PACSIN1: variants seen among roughly 807,000 people sequenced by gnomAD.
The protein encoded by PACSIN1 is protein kinase C and casein kinase substrate in neurons 1.
A neutral mutation model predicts 59.5 loss-of-function variants in PACSIN1; 15 were observed. The ratio of observed to expected loss-of-function variants is 0.25; its 90% confidence interval spans 0.17 to 0.39. The LOEUF (loss-of-function observed/expected upper bound fraction) is 0.39, where lower values mean the gene tolerates loss of function less well. Ranked by LOEUF, PACSIN1 falls within the 10% of genes least tolerant of loss-of-function variation. The pLI, the probability that PACSIN1 is intolerant of heterozygous loss-of-function variation, is 1.00. For missense variants in PACSIN1, 420 were observed against 580.2 expected, an observed-to-expected ratio of 0.72 and a Z score of 2.84; for synonymous variants, 210 against 220.6, an observed-to-expected ratio of 0.95 and a Z score of 0.42.
chr6:34,495,113 C>T (rs965089549), intron 1 of PACSIN1, among the ~76,000 whole-genome samples: 3 of 152,196 alleles, frequency 2.0e-5, no homozygotes, highest in African/African-American at 7.2e-5. Flanking sequence ...ACCCTCTCCT[C>T]CTCCAAAATG....
Position 34,532,322 on chromosome 6 carries a change from G to A in PACSIN1, c.1226-99G>A. 2 of 767,026 alleles carry A rather than the reference G, an allele frequency of 2.6e-6. No individual in the cohort carries two copies. Among genetic ancestry groups the A allele is most frequent in the Non-Finnish European group, 4.4e-6 (2 of 453,940 alleles). 47.5% of individuals were successfully genotyped at this position (767,026 alleles called of 1,614,324 possible). A position where few individuals can be genotyped will look rare whatever the true frequency, so the allele number is the denominator to read the frequency against. On this transcript the variant is annotated intron_variant, in intron 9 of 9. Coordinates refer to ENST00000244458, the MANE Select transcript of PACSIN1 (RefSeq NM_020804.5). This position sits in a 1 kb window ranked among gnomAD's most constrained non-coding sequence, Gnocchi z 5.2. The stretch of plus-strand genomic sequence containing the variant: ...GCCTAAGAATCTAAAACCCAGTGCA[G>A]TAATCAGGAGGTGGGTATTGGAGGG...
rs1767289621 is a variant in PACSIN1, at chr6:34,516,238, A to AG, written c.-63-10001dup. Among the ~76,000 whole-genome samples, 2 of 151,890 alleles carry AG rather than the reference A, an allele frequency of 1.3e-5. No individual in the cohort carries two copies. Reference sequence around the variant, plus strand: ...AGAGGGCCTGGTGCAGGGGCTGAGGAGGGGTCACATGATGGGTAGGGGCAT... The same window carrying AG: ...AGAGGGCCTGGTGCAGGGGCTGAGGAGGGGGTCACATGATGGGTAGGGGCAT... On this transcript the variant is annotated intron_variant, in intron 1 of 9. Transcript: ENST00000244458. This position sits in a 1 kb window ranked among gnomAD's most constrained non-coding sequence, Gnocchi z 5.4.
chr6:34,481,567 G>A (rs1236344811), intron 1 of PACSIN1, among the ~76,000 whole-genome samples: 1 of 152,030 alleles, frequency 6.6e-6, no homozygotes, highest in African/African-American at 2.4e-5. Context: ...CTACCAGGGA[G>A]GCTGAGGCAA....
intron 1 of PACSIN1, among the ~76,000 whole-genome samples, chr6:34,520,962 G>C (rs1767381943): frequency 1.3e-5 from 2 of 152,212 alleles, no homozygotes; most frequent in Non-Finnish European, 2.9e-5. Context: ...CTGGCTCTGG[G>C]ATAGAAAATT....
intron 1 of PACSIN1, among the ~76,000 whole-genome samples, chr6:34,474,554 C>G (rs1454495049): frequency 2.0e-5 from 3 of 152,094 alleles, no homozygotes; most frequent in African/African-American, 7.2e-5. Flanking sequence ...CTTTGGGAGG[C>G]CGAGGCAGGT....
intron 1 of PACSIN1, among the ~76,000 whole-genome samples, chr6:34,469,864 A>G (rs1045352613): frequency 6.6e-5 from 10 of 152,338 alleles, no homozygotes; most frequent in South Asian, 4.1e-4. Context: ...CTCTGGGGAG[A>G]CAGGACCTCT....
At chr6:34,498,719 C>T (rs1766981820) in intron 1 of PACSIN1, among the ~76,000 whole-genome samples, 1 of 150,722 alleles carries the variant, frequency 6.6e-6, no homozygotes, top group South Asian at 2.1e-4. Flanking sequence ...TCACCTGAGC[C>T]CGGGAAGGTC....
At chr6:34,507,015 G>A (rs982851775) in intron 1 of PACSIN1, among the ~76,000 whole-genome samples, 1 of 152,204 alleles carries the variant, frequency 6.6e-6, no homozygotes, top group African/African-American at 2.4e-5. Context: ...TTCTTCCATG[G>A]TGTTTGGCTA....
chr6:34,530,547 G>A lies in PACSIN1; in HGVS notation c.997G>A (p.Gly333Arg). 6.2e-7 allele frequency: 1 copy of A among 1,605,760 alleles called. No homozygotes were observed. Among genetic ancestry groups the A allele is most frequent in the Non-Finnish European group, 8.5e-7 (1 of 1,176,354 alleles). Residue 333 changes from glycine to arginine, a missense_variant, in exon 8 of 10, where the codon GGG (glycine) becomes AGG (arginine). Physicochemically the swap from Gly to Arg is moderately radical, Grantham distance 125. Coordinates refer to ENST00000244458, the MANE Select transcript of PACSIN1 (RefSeq NM_020804.5). This position sits in a 1 kb window ranked among gnomAD's most constrained non-coding sequence, Gnocchi z 4.4. ...AEGVALTNATGAVESTSQAGD... is the reference protein window; with the variant it reads ...AEGVALTNATRAVESTSQAGD... ...GGGAGTGGCGCTGACCAATGCCACT[G>A]GGGCGGTAGAGTCCACATCCCAGGC...
intron 1 of PACSIN1, among the ~76,000 whole-genome samples, chr6:34,487,957 T>C (rs373991017): frequency 2.6e-4 from 40 of 152,252 alleles, no homozygotes; most frequent in Middle Eastern, 6.8e-3. Context: ...GGGAACAGCT[T>C]CTTCAGGGTC....
intron 1 of PACSIN1, among the ~76,000 whole-genome samples, chr6:34,483,776 G>C (rs1454291319): frequency 6.6e-6 from 1 of 151,308 alleles, no homozygotes; most frequent in African/African-American, 2.4e-5. Context: ...CTCCCGAGTA[G>C]CTGGGATTGA....
intron 1 of PACSIN1, among the ~76,000 whole-genome samples, chr6:34,490,528 G>A (rs1482492968): frequency 1.3e-5 from 2 of 152,194 alleles, no homozygotes; most frequent in South Asian, 2.1e-4. Flanking sequence ...CATGACTCCT[G>A]AGCCTGCCCT....
chr6:34,531,617 G>A lies in PACSIN1; in HGVS notation c.1055G>A (p.Arg352Lys), dbSNP rs990273980. ...CGTCTCAGTGTTAGCAGCTACGACA[G>A]AGGCCAGCCCTACGCCACCGAGTGG... is the stretch of plus-strand genomic sequence containing the variant. ...GDRGSVSSYD[R>K]GQPYATEWSD... is the part of the protein sequence containing the mutation. The change falls in exon 9 of 10, where the codon AGA becomes AAA. Residue 352 changes from arginine (R) to lysine (K), a missense_variant. Coordinates refer to ENST00000244458, the MANE Select transcript of PACSIN1 (RefSeq NM_020804.5). This position sits in a 1 kb window ranked among gnomAD's most constrained non-coding sequence, Gnocchi z 4.4. 6.2e-7 allele frequency: 1 copy of A among 1,613,972 alleles called. No homozygotes were observed. Among genetic ancestry groups the A allele is most frequent in the Middle Eastern group, 1.6e-4 (1 of 6,062 alleles).
intron 1 of PACSIN1, among the ~76,000 whole-genome samples, chr6:34,512,221 C>G (rs1422223216): frequency 6.6e-6 from 1 of 151,300 alleles, no homozygotes; most frequent in Non-Finnish European, 1.5e-5. Flanking sequence ...GGTGGATGCT[C>G]TCTGTGCTGG....
In PACSIN1 at chr6:34,514,600, G is replaced by C. The variant is rs1007166590; in HGVS notation, c.-63-11643G>C. On this transcript the variant is annotated intron_variant, in intron 1 of 9. Transcript: ENST00000244458. This position sits in a 1 kb window ranked among gnomAD's most constrained non-coding sequence, Gnocchi z 4.4. ...TCTTGGGGAGAAAGGGAAGAAAGGG[G>C]ATGGAGCAGGGCTTCCCAGTCGAGG... Among the ~76,000 whole-genome samples, 1 of 152,228 alleles carries C rather than the reference G, an allele frequency of 6.6e-6. No homozygotes were observed.
intron 1 of PACSIN1, among the ~76,000 whole-genome samples, chr6:34,504,445 C>T (rs1037322165): frequency 6.6e-6 from 1 of 152,010 alleles, no homozygotes; most frequent in Non-Finnish European, 1.5e-5. Flanking sequence ...TGCCCAACAC[C>T]GCACCCAGAT....
At chr6:34,517,602 G>A (rs549858973) in intron 1 of PACSIN1, among the ~76,000 whole-genome samples, 4 of 152,130 alleles carry the variant, frequency 2.6e-5, no homozygotes, top group Admixed American at 2.6e-4. Flanking sequence ...CTTTGCATGG[G>A]CTGTTCAGGC....
At position 34,515,871 on chromosome 6, in the gene PACSIN1, G is replaced by A. The variant is rs2127266658; in HGVS notation, c.-63-10372G>A. Among the ~76,000 whole-genome samples the A allele has an allele frequency of 6.6e-6, 1 of 152,240 alleles. No homozygotes were observed. Among genetic ancestry groups the A allele is most frequent in the East Asian group, 1.9e-4 (1 of 5,174 alleles). ...GCTCTTGGGCACTGCCACTGCGGAGGAGCCTCTGCCAGCTGCTCAGGAGGG... is the reference window on the plus strand; with the variant it reads ...GCTCTTGGGCACTGCCACTGCGGAGAAGCCTCTGCCAGCTGCTCAGGAGGG... On this transcript the variant is annotated intron_variant, in intron 1 of 9. Transcript: ENST00000244458. This position sits in a 1 kb window ranked among gnomAD's most constrained non-coding sequence, Gnocchi z 4.4.
Position 34,528,865 on chromosome 6 carries a change from G to A in PACSIN1, c.444G>A (p.Lys148=). 7.7e-7 allele frequency: 1 copy of A among 1,301,582 alleles called. No homozygotes were observed. Among genetic ancestry groups the A allele is most frequent in the Non-Finnish European group, 1.0e-6 (1 of 960,742 alleles). 80.6% of individuals were successfully genotyped at this position (1,301,582 alleles called of 1,614,324 possible). ...GFRKAQKPWA[K]KMKELEAAKK... ...GCAAGGCCCAGAAGCCTTGGGCCAA[G>A]AAGATGAAGGAGGTGCTCAGTGGGT... is the stretch of plus-strand genomic sequence containing the variant. The change falls in exon 4 of 10, where the codon AAG becomes AAA. Residue 148 remains lysine, a synonymous_variant. Coordinates refer to ENST00000244458, the MANE Select transcript of PACSIN1 (RefSeq NM_020804.5).
Sources: gnomAD v4.1 joint callset for allele counts (sites outside exome capture counted in the v4.1 genomes callset) on GRCh38, gnomAD v4.1.1 for gene constraint, Gnocchi (gnomAD v3.1) non-coding constraint, MANE v1.5 for transcripts, NCBI Gene and HGNC (gene_info 2026-07-23, HGNC 2026-07-21) for gene names.